Variants in CCDC171 observed in about 807,000 individuals in gnomAD.
The protein encoded by CCDC171 is coiled-coil domain containing 171, also known as coiled-coil domain-containing protein 171.
Under a neutral mutation model 168.2 loss-of-function variants are expected in CCDC171, and 177 were observed. That is an observed-to-expected ratio of 1.05 (90% CI 0.93 to 1.19). The LOEUF is 1.19. CCDC171 is among the 50% of genes most tolerant of loss of function. The pLI is 0.00. For missense variants in CCDC171, 1,991 were observed against 1,539.0 expected, an observed-to-expected ratio of 1.29 and a Z score of -4.91; for synonymous variants, 687 against 540.8, an observed-to-expected ratio of 1.27 and a Z score of -3.75.
intron 3 of CCDC171, among the ~76,000 whole-genome samples, chr9:15,992,745 G>T (rs1409824713): frequency 1.3e-5 from 2 of 152,176 alleles, no homozygotes; most frequent in Non-Finnish European, 2.9e-5. Context: ...CTTCAGCAAA[G>T]TCTCAGGATA....
intron 23 of CCDC171, among the ~76,000 whole-genome samples, chr9:15,863,890 C>G (rs1235015387): frequency 7.9e-6 from 1 of 127,054 alleles, no homozygotes; most frequent in African/African-American, 3.0e-5. Context: ...GCTGCTTGCT[C>G]TAGTTGTTGT....
chr9:16,099,804 C>T, the CCDC171 span, among the ~76,000 whole-genome samples: 1 of 152,164 alleles, frequency 6.6e-6, no homozygotes, highest in Non-Finnish European at 1.5e-5. Flanking sequence ...AATAGATCCT[C>T]TTCTGCAAGT....
chr9:15,945,341 G>C (rs10962228), intron 25 of CCDC171, among the ~76,000 whole-genome samples: 37,239 of 130,220 alleles, frequency 0.29, 6,386 homozygotes, highest in East Asian at 0.58. Context: ...AATAAACATA[G>C]GTGTGCATGT....
chr9:15,918,845 G>A (rs145720986), intron 24 of CCDC171, among the ~76,000 whole-genome samples: 90 of 151,468 alleles, frequency 5.9e-4, no homozygotes, highest in African/African-American at 2.1e-3. Context: ...TCACCCTTTC[G>A]TAGAAGGCAT....
At chr9:15,700,512 G>C (rs1419499245) in intron 11 of CCDC171, among the ~76,000 whole-genome samples, 1 of 152,258 alleles carries the variant, frequency 6.6e-6, no homozygotes, top group Non-Finnish European at 1.5e-5. Flanking sequence ...GGGCTGAAGG[G>C]CTCCTTAAGT....
At chr9:15,772,053 C>G (rs918181247) in intron 18 of CCDC171, among the ~76,000 whole-genome samples, 2 of 152,138 alleles carry the variant, frequency 1.3e-5, no homozygotes, top group Non-Finnish European at 2.9e-5. Context: ...AGGCTGGTCT[C>G]CAACTCCTGA....
At chr9:15,563,870 A>G (rs1586982917) in intron 1 of CCDC171, 108 bp from the exon 2 acceptor site, 3 of 499,294 alleles carry the variant, frequency 6.0e-6, no homozygotes, top group Non-Finnish European at 1.1e-5. Context: ...TACACCTACA[A>G]TTTCACTTAT....
chr9:15,623,475 G>GCGCGCACACACGCA, intron 7 of CCDC171, 62 bp downstream of exon 7: 1 of 311,464 alleles, frequency 3.2e-6, no homozygotes, highest in Non-Finnish European at 5.9e-6. Flanking sequence ...GCGCGCGCGC[G>GCGCGCACACACGCA]CACACACACA....
chr9:15,668,782 T>A (rs528719716), intron 9 of CCDC171, among the ~76,000 whole-genome samples: 2 of 152,154 alleles, frequency 1.3e-5, no homozygotes, highest in Non-Finnish European at 2.9e-5. Flanking sequence ...TACTTCAGAA[T>A]CATCTTTAAA....
chr9:15,833,266 A>G (rs1413929074), intron 21 of CCDC171, among the ~76,000 whole-genome samples: 1 of 152,182 alleles, frequency 6.6e-6, no homozygotes, highest in Non-Finnish European at 1.5e-5. Context: ...TGCTGGGATT[A>G]CAGGCATGAA....
chr9:16,097,293 A>T, the CCDC171 span, among the ~76,000 whole-genome samples: 7 of 152,344 alleles, frequency 4.6e-5, no homozygotes, highest in Admixed American at 6.5e-5. Flanking sequence ...GCCTCACTGT[A>T]TTAAGACACA....
chr9:15,688,442 C>T (rs981964616), intron 10 of CCDC171, among the ~76,000 whole-genome samples: 1 of 152,088 alleles, frequency 6.6e-6, no homozygotes, highest in Non-Finnish European at 1.5e-5. Flanking sequence ...ACTAGCCTCC[C>T]TTTTGAATGT....
chr9:15,716,178 C>T (rs2053072686), intron 11 of CCDC171, among the ~76,000 whole-genome samples: 1 of 152,144 alleles, frequency 6.6e-6, no homozygotes, highest in Non-Finnish European at 1.5e-5. Flanking sequence ...ATATTAAGCA[C>T]AAGTATAGAC....
chr9:15,636,783 G>A (rs1349357781), intron 7 of CCDC171, among the ~76,000 whole-genome samples: 1 of 146,000 alleles, frequency 6.8e-6, no homozygotes, highest in African/African-American at 2.5e-5. Context: ...GTTTAGGATA[G>A]AGTTAATGTT....
At chr9:16,062,057 C>A (rs1833938391), downstream of CCDC171, among the ~76,000 whole-genome samples, 1 of 152,142 alleles carries the variant, frequency 6.6e-6, no homozygotes, top group Non-Finnish European at 1.5e-5. Flanking sequence ...TTTTAACAAT[C>A]CACTCTTGCA....
chr9:16,054,716 A>G (rs755363310), intron 1 of CCDC171, among the ~76,000 whole-genome samples: 4 of 152,214 alleles, frequency 2.6e-5, no homozygotes, highest in Non-Finnish European at 4.4e-5. Context: ...TGATGGAGAG[A>G]GTCCTTGCAG....
the CCDC171 span, among the ~76,000 whole-genome samples, chr9:16,080,904 T>C: frequency 6.6e-6 from 1 of 152,206 alleles, no homozygotes; most frequent in Non-Finnish European, 1.5e-5. Flanking sequence ...TTTGCTGATG[T>C]GGGGCATGTC....
chr9:15,704,185 A>G (rs2052025352), intron 11 of CCDC171, among the ~76,000 whole-genome samples: 1 of 113,864 alleles, frequency 8.8e-6, no homozygotes, highest in African/African-American at 3.1e-5. Flanking sequence ...AAATAGTGAC[A>G]TTTGTGTGTA....
At chr9:15,576,053 C>G (rs760730566) in intron 3 of CCDC171, among the ~76,000 whole-genome samples, 9 of 150,302 alleles carry the variant, frequency 6.0e-5, no homozygotes, top group Non-Finnish European at 1.3e-4. Flanking sequence ...GATCATGCCA[C>G]TGTACTCCAG....
Sources: allele counts gnomAD v4.1 joint callset (sites outside exome capture counted in the v4.1 genomes callset), GRCh38; gene constraint gnomAD v4.1.1; transcripts MANE v1.5; gene names NCBI Gene and HGNC (gene_info 2026-07-23, HGNC 2026-07-21).